CSMD2: variants seen among roughly 807,000 people sequenced by gnomAD.
CSMD2 encodes the protein CUB and Sushi multiple domains 2, also known as CUB and sushi domain-containing protein 2.
CSMD2 carries 130 observed loss-of-function variants against 398.5 expected under a neutral mutation model. That is an observed-to-expected ratio of 0.33 (90% CI 0.28 to 0.38). The LOEUF (loss-of-function observed/expected upper bound fraction) is 0.38, where lower values mean the gene tolerates loss of function less well. Among genes scored for constraint, CSMD2 ranks in the 10% least tolerant of loss-of-function variants. CSMD2 has a pLI of 1.00. For missense variants in CSMD2, 3,829 were observed against 4,764.9 expected, an observed-to-expected ratio of 0.80 and a Z score of 5.78; for synonymous variants, 1,828 against 1,908.5, an observed-to-expected ratio of 0.96 and a Z score of 1.10.
intron 58 of CSMD2, 87 bp from the exon 59 acceptor site, chr1:33,541,396 TCCAA>T: frequency 4.1e-6 from 4 of 979,626 alleles, no homozygotes; most frequent in Non-Finnish European, 6.3e-6. Context: ...CCTGCATGCA[TCCAA>T]GAAGGGAAAC....
rs3043318 is a variant in CSMD2 at position 33,518,389 on chromosome 1, A to ATGTG, written c.*53+1072_*53+1075dup. Among the ~76,000 whole-genome samples, 1 of 150,526 alleles carries ATGTG rather than the reference A, an allele frequency of 6.6e-6. No individual in the cohort carries two copies. Among genetic ancestry groups the ATGTG allele is most frequent in the South Asian group, 2.1e-4 (1 of 4,754 alleles). On this transcript the variant is annotated intron_variant, in intron 70 of 70. Transcript: ENST00000373381. The surrounding 1 kb of genome is among the most constrained non-coding windows in gnomAD (Gnocchi z 4.3). ...TGCATGCCTGTGTGCATGTATGCGT[A>ATGTG]TGTGTGTGTGTGTGTGTGCATGACC... is the stretch of plus-strand genomic sequence containing the variant.
chr1:34,076,855 C>A (rs981467281), intron 2 of CSMD2, among the ~76,000 whole-genome samples: 1 of 130,436 alleles, frequency 7.7e-6, no homozygotes, highest in African/African-American at 2.9e-5. Flanking sequence ...AAACTCATGT[C>A]ATCTACTGGC....
At chr1:34,079,047 T>C (rs1656751955) in intron 2 of CSMD2, among the ~76,000 whole-genome samples, 1 of 152,236 alleles carries the variant, frequency 6.6e-6, no homozygotes, top group Non-Finnish European at 1.5e-5. Flanking sequence ...GTCGCCAGTC[T>C]GCCCTCCACC....
chr1:34,137,096 C>G (rs1638828376), intron 1 of CSMD2, among the ~76,000 whole-genome samples: 1 of 152,068 alleles, frequency 6.6e-6, no homozygotes, highest in Non-Finnish European at 1.5e-5. Context: ...TCATTGATCC[C>G]AAATACCCAT....
At chr1:33,906,200 A>G (rs74815162) in intron 5 of CSMD2, among the ~76,000 whole-genome samples, 3,682 of 152,324 alleles carry the variant, frequency 0.024, 148 homozygotes, top group African/African-American at 0.082. Context: ...TTTAGGGTTA[A>G]TAAAATTTAA....
intron 1 of CSMD2, among the ~76,000 whole-genome samples, chr1:34,126,090 C>T (rs1010343891): frequency 2.0e-5 from 3 of 152,246 alleles, no homozygotes; most frequent in African/African-American, 4.8e-5. Flanking sequence ...CATCCAGACC[C>T]ACTCCAGTTG....
intron 3 of CSMD2, among the ~76,000 whole-genome samples, chr1:33,949,995 A>T (rs933974443): frequency 6.6e-6 from 1 of 152,132 alleles, no homozygotes; most frequent in African/African-American, 2.4e-5. Context: ...GGACTGGCCC[A>T]TCATCCAGCC....
chr1:33,647,166 G>A lies in CSMD2; in HGVS notation c.4587-331C>T, dbSNP rs559912457. ...GACACCAAGCTGTCAACCAAAGTAG[G>A]TCCAAAACCCAACTCTCTTACCTGA... On this transcript the variant is annotated intron_variant, in intron 28 of 70. Coordinates refer to ENST00000373381, the MANE Select transcript of CSMD2 (RefSeq NM_001281956.2). 3.3e-5 allele frequency among the ~76,000 whole-genome samples: 5 copies of A among 152,240 alleles called. No homozygotes were observed. The East Asian group carries it at 9.7e-4, about 29-fold the overall frequency.
chr1:33,620,487 A>G lies in CSMD2; in HGVS notation c.5827+1680T>C, dbSNP rs549233127. On this transcript the variant is annotated intron_variant, in intron 37 of 70. Transcript: ENST00000373381. ...GAAAACTGCCAGTCCCCTTGGACGA[A>G]GAAAATTGAGAAGAGGTGGATTTTT... is the stretch of plus-strand genomic sequence containing the variant. Among the ~76,000 whole-genome samples the G allele has an allele frequency of 1.1e-3, 167 of 152,366 alleles. 2 individuals carry two copies. The highest frequency in any genetic ancestry group is 3.1e-4 in the Non-Finnish European group (21 of 68,036).
chr1:34,129,399 C>A (rs1034867626), intron 1 of CSMD2, among the ~76,000 whole-genome samples: 5 of 152,176 alleles, frequency 3.3e-5, no homozygotes, highest in Non-Finnish European at 7.3e-5. Context: ...CGCCTGTAAT[C>A]CCAGCACTTT....
chr1:33,783,835 C>A lies in CSMD2; in HGVS notation c.1663+4765G>T, dbSNP rs551698081. 1.5e-4 allele frequency among the ~76,000 whole-genome samples: 23 copies of A among 152,290 alleles called. 1 individual carries two copies. The South Asian group carries it at 4.8e-3, about 32-fold the overall frequency. Reference sequence around the variant, plus strand: ...ATCTTATTTGAAAACAGAGTTGTTGCAAATGTAAACCACCCAGTCTTTTTT... The same window carrying A: ...ATCTTATTTGAAAACAGAGTTGTTGAAAATGTAAACCACCCAGTCTTTTTT... On this transcript the variant is annotated intron_variant, in intron 12 of 70. Transcript: ENST00000373381.
At chr1:34,104,500 A>G (rs1660328545) in intron 1 of CSMD2, among the ~76,000 whole-genome samples, 1 of 152,254 alleles carries the variant, frequency 6.6e-6, no homozygotes, top group Non-Finnish European at 1.5e-5. Context: ...GGAGATGGCC[A>G]GAAGGCAGTT....
intron 14 of CSMD2, among the ~76,000 whole-genome samples, chr1:33,740,285 G>A (rs772129930): frequency 4.2e-5 from 3 of 71,548 alleles, no homozygotes; most frequent in Admixed American, 1.4e-4. Context: ...AAATGTCTCC[G>A]AAGCCAGGCT....
intron 3 of CSMD2, among the ~76,000 whole-genome samples, chr1:33,957,317 G>A (rs1163612419): frequency 6.6e-6 from 1 of 152,280 alleles, no homozygotes; most frequent in Middle Eastern, 3.4e-3. Context: ...ACTGACAAAT[G>A]AGCAATGAAA....
At chr1:33,995,303 T>A (rs1048023342) in intron 3 of CSMD2, among the ~76,000 whole-genome samples, 7 of 152,264 alleles carry the variant, frequency 4.6e-5, no homozygotes, top group African/African-American at 7.2e-5. Context: ...GCACGTGGGG[T>A]CTTTGGCTTT....
At chr1:33,847,105 C>G in intron 5 of CSMD2, 109 bp from the exon 6 acceptor site, 1 of 666,658 alleles carries the variant, frequency 1.5e-6, no homozygotes, top group Non-Finnish European at 2.5e-6. Flanking sequence ...CTCAGCCCAG[C>G]TCTGGAGCAG....
intron 3 of CSMD2, among the ~76,000 whole-genome samples, chr1:33,967,335 T>C (rs745435484): frequency 7.6e-4 from 116 of 151,890 alleles, no homozygotes; most frequent in Admixed American, 1.7e-3. Flanking sequence ...TCTCAGGATA[T>C]GCCTGGCTTG....
intron 9 of CSMD2, among the ~76,000 whole-genome samples, chr1:33,819,020 C>CTAG (rs1332299647): frequency 1.3e-5 from 2 of 152,228 alleles, no homozygotes; most frequent in Non-Finnish European, 2.9e-5. Flanking sequence ...ACCTAACAGC[C>CTAG]TAGTGCACAG....
chr1:33,600,974 G>A lies in CSMD2; in HGVS notation c.6747C>T (p.Val2249=), dbSNP rs1640175002. The A allele has an allele frequency of 1.9e-6, 3 of 1,614,046 alleles. No homozygotes were observed. Among genetic ancestry groups the A allele is most frequent in the Non-Finnish European group, 2.5e-6 (3 of 1,180,046 alleles). The stretch of plus-strand genomic sequence containing the variant: ...TTTTCTTGGCCATGCTCCGGGTGAA[G>A]ACGCCGAGCCGTGGTGCTGTTTGCT... The part of the protein sequence containing the change: ...GPQQTAPRLG[V]FTRSMAKKTV... The change falls in exon 44 of 71, where the codon GTC becomes GTT. Residue 2249 remains valine, a synonymous_variant. Coordinates refer to ENST00000373381, the MANE Select transcript of CSMD2 (RefSeq NM_001281956.2).
Sources: allele counts gnomAD v4.1 joint callset (sites outside exome capture counted in the v4.1 genomes callset), GRCh38; gene constraint gnomAD v4.1.1; non-coding constraint Gnocchi (gnomAD v3.1); transcripts MANE v1.5; gene names NCBI Gene and HGNC (gene_info 2026-07-23, HGNC 2026-07-21).